GPX8: variants seen among roughly 807,000 people sequenced by gnomAD.
GPX8 encodes protein peroxidase GPX8.
Under a neutral mutation model 17.8 loss-of-function variants are expected in GPX8, and 12 were observed. That is an observed-to-expected ratio of 0.67 (90% CI 0.43 to 1.09). The LOEUF (loss-of-function observed/expected upper bound fraction) is 1.09. Ranked by LOEUF, GPX8 falls within the 50% of genes least tolerant of loss-of-function variation. The pLI is 0.00. For synonymous variants in GPX8, 86 were observed against 88.1 expected (o/e 0.98, Z 0.14); for missense variants, 209 against 235.6 (o/e 0.89, Z 0.74).
rs1743958293 is a variant in GPX8 at position 55,160,192 on chromosome 5, C to A, written c.-1C>A. On this transcript the variant is annotated 5_prime_UTR_variant, in exon 1 of 3. Transcript: ENST00000503787. ...GAGACTTCCCTCTAGAATCCTCCAA[C>A]ATGGAGCCTCTTGCAGCTTACCCGC... is the stretch of plus-strand genomic sequence containing the variant. 18 of 1,612,720 alleles carry A rather than the reference C, an allele frequency of 1.1e-5. No individual in the cohort carries two copies. The highest frequency in any genetic ancestry group is 1.5e-5 in the Non-Finnish European group (18 of 1,178,732).
chr5:55,160,908 A>C lies in GPX8; in HGVS notation c.205-86A>C, dbSNP rs1744010871. On this transcript the variant is annotated intron_variant, in intron 1 of 2. Coordinates refer to ENST00000503787, the MANE Select transcript of GPX8 (RefSeq NM_001008397.4). ...TCAATCAGAGGTTATAGTCCCCCCC[A>C]AATTGTTTAGGATTTTAACTACTTG... The C allele has an allele frequency of 3.6e-6, 5 of 1,394,278 alleles. No individual in the cohort carries two copies. The East Asian group carries it at 1.2e-4, about 33-fold the overall frequency. 86.4% of individuals were successfully genotyped at this position (1,394,278 alleles called of 1,614,324 possible).
Position 55,160,205 on chromosome 5 carries a change from G to C in GPX8, c.13G>C (p.Ala5Pro), listed in dbSNP as rs1239400840. 1.2e-6 allele frequency: 2 copies of C among 1,613,728 alleles called. No individual in the cohort carries two copies. Among genetic ancestry groups the C allele is most frequent in the Non-Finnish European group, 1.7e-6 (2 of 1,179,804 alleles). MEPL[A>P]AYPLKCSGPR... ...AGAATCCTCCAACATGGAGCCTCTT[G>C]CAGCTTACCCGCTAAAATGTTCCGG... The change falls in exon 1 of 3, where the codon GCA becomes CCA. Residue 5 changes from alanine to proline, a missense_variant. By Grantham distance (27) the Ala-to-Pro change is conservative. Transcript: ENST00000503787.
At chr5:55,163,545 C>A (rs1397560932) in intron 2 of GPX8, among the ~76,000 whole-genome samples, 2 of 151,800 alleles carry the variant, frequency 1.3e-5, no homozygotes, top group African/African-American at 4.8e-5. Context: ...TCACTCTTGT[C>A]CCCCAGGCTG....
At position 55,164,302 on chromosome 5, in the gene GPX8, G is replaced by GAGTGAGACAC; in HGVS notation, c.*84_*85insAGTGAGACAC. 1 of 1,051,290 alleles carries GAGTGAGACAC rather than the reference G, an allele frequency of 9.5e-7. No individual in the cohort carries two copies. Among genetic ancestry groups the GAGTGAGACAC allele is most frequent in the Non-Finnish European group, 1.3e-6 (1 of 774,996 alleles). The allele number at this position is 1,051,290 out of a possible 1,614,324, so 65.1% of individuals were successfully genotyped here. A position where few individuals can be genotyped will look rare whatever the true frequency, so the allele number is the denominator to read the frequency against. On this transcript the variant is annotated 3_prime_UTR_variant, in exon 3 of 3. Coordinates refer to ENST00000503787, the MANE Select transcript of GPX8 (RefSeq NM_001008397.4). ...TTTAAACATTTTTTTTTTGGAGACA[G>GAGTGAGACAC]TGTCTCACTCTGTCACCCAGGCTGG...
chr5:55,161,532 C>T, intron 2 of GPX8, among the ~76,000 whole-genome samples: 1 of 152,160 alleles, frequency 6.6e-6, no homozygotes, highest in South Asian at 2.1e-4. Context: ...GTGCCCATGG[C>T]TATTTTCACA....
chr5:55,164,247 A>G lies in GPX8; in HGVS notation c.*29A>G. The G allele has an allele frequency of 6.8e-7, 1 of 1,471,082 alleles. No homozygotes were observed. Among genetic ancestry groups the G allele is most frequent in the Non-Finnish European group, 9.1e-7 (1 of 1,094,528 alleles). The allele number at this position is 1,471,082 out of a possible 1,614,324, so 91.1% of individuals were successfully genotyped here. On this transcript the variant is annotated 3_prime_UTR_variant, in exon 3 of 3. Coordinates refer to ENST00000503787, the MANE Select transcript of GPX8 (RefSeq NM_001008397.4). ...TGCCATTGCGTTTCTAATAGAACAG[A>G]GAAATGTCTCCATGAGGGTTTGGTC...
At chr5:55,160,924 T>A in intron 1 of GPX8, 70 bp from the exon 2 acceptor site, 1 of 1,508,556 alleles carries the variant, frequency 6.6e-7, no homozygotes, top group Non-Finnish European at 8.9e-7. Flanking sequence ...TTTAGGATTT[T>A]AACTACTTGC....
rs889611188 is a variant in GPX8 at position 55,162,594 on chromosome 5, C to T, written c.466+1339C>T. Among the ~76,000 whole-genome samples the T allele has an allele frequency of 3.9e-5, 6 of 152,208 alleles. No individual in the cohort carries two copies. The East Asian group carries it at 1.2e-3, about 29-fold the overall frequency. On this transcript the variant is annotated intron_variant, in intron 2 of 2. Coordinates refer to ENST00000503787, the MANE Select transcript of GPX8 (RefSeq NM_001008397.4). ...ATGTGAAGTCAGAATCTTCTAAAAA[C>T]ATTATATTTAATTTCTAGGGAAAGT...
chr5:55,160,956 C>T (rs1453514049), intron 1 of GPX8, 38 bp from the exon 2 acceptor site: 4 of 1,577,614 alleles, frequency 2.5e-6, no homozygotes, highest in Middle Eastern at 1.7e-4. Flanking sequence ...AAATCTTTTG[C>T]TTCACTTTCC....
chr5:55,166,180 T>C lies in GPX8; in HGVS notation c.*1962T>C, dbSNP rs1487193828. ...CGTTAGGAGCATGAGCAGAACTGCA[T>C]ATGCCAGCACCACATGGGCAGCAGA... On this transcript the variant is annotated 3_prime_UTR_variant, in exon 3 of 3. Transcript: ENST00000503787. 6.6e-6 allele frequency: 1 copy of C among 152,298 alleles called. No homozygotes were observed. Among genetic ancestry groups the C allele is most frequent in the Non-Finnish European group, 1.5e-5 (1 of 68,146 alleles). The allele number at this position is 152,298 out of a possible 1,614,324, so 9.4% of individuals were successfully genotyped here. A position where few individuals can be genotyped will look rare whatever the true frequency, so the allele number is the denominator to read the frequency against.
At chr5:55,162,187 G>A (rs1744110579) in intron 2 of GPX8, among the ~76,000 whole-genome samples, 1 of 151,706 alleles carries the variant, frequency 6.6e-6, no homozygotes, top group African/African-American at 2.4e-5. Context: ...CTTAAGGTCA[G>A]GAGTTAGAGA....
At position 55,160,249 on chromosome 5, in the gene GPX8, T is replaced by G. The variant is rs1234831653; in HGVS notation, c.57T>G (p.Phe19Leu). 6.2e-7 allele frequency: 1 copy of G among 1,614,110 alleles called. No homozygotes were observed. Among genetic ancestry groups the G allele is most frequent in the South Asian group, 1.1e-5 (1 of 91,088 alleles). Residue 19 changes from phenylalanine to leucine, a missense_variant, in exon 1 of 3, where the codon TTT (phenylalanine) becomes TTG (leucine). Phe to Leu is a conservative substitution (Grantham distance 22, BLOSUM62 0). Transcript: ENST00000503787. The part of the protein sequence containing the change: ...LKCSGPRAKV[F>L]AVLLSIVLCT... ...GTTCCGGGCCCAGAGCAAAGGTATT[T>G]GCAGTTTTGCTGTCTATAGTTCTAT...
At chr5:55,161,391 T>A in intron 2 of GPX8, 136 bp downstream of exon 2, 1 of 834,702 alleles carries the variant, frequency 1.2e-6, no homozygotes, top group East Asian at 2.5e-5. Flanking sequence ...AGAGCCAGAA[T>A]CTCATCCTTT....
At chr5:55,163,897 T>C (rs1204897689) in intron 2 of GPX8, among the ~76,000 whole-genome samples, 158 bp from the exon 3 acceptor site, 2 of 151,138 alleles carry the variant, frequency 1.3e-5, no homozygotes, top group African/African-American at 4.9e-5. Flanking sequence ...CTGGTTACTC[T>C]AACCTTGAGT....
intron 1 of GPX8, 56 bp from the exon 2 acceptor site, chr5:55,160,938 A>ATT: frequency 6.4e-7 from 1 of 1,561,378 alleles, no homozygotes; most frequent in African/African-American, 1.4e-5. Context: ...TACTTGCAGA[A>ATT]TTTTTTAAAA....
intron 2 of GPX8, among the ~76,000 whole-genome samples, chr5:55,162,571 G>A (rs1744135275): frequency 2.0e-5 from 3 of 152,188 alleles, no homozygotes; most frequent in Non-Finnish European, 4.4e-5. Context: ...TCACATAAAT[G>A]TGAAGTCAGA....
At chr5:55,163,173 G>A (rs942585581) in intron 2 of GPX8, among the ~76,000 whole-genome samples, 7 of 151,960 alleles carry the variant, frequency 4.6e-5, no homozygotes, top group Non-Finnish European at 1.0e-4. Context: ...TAAATCTTGA[G>A]TGGTATAAAT....
rs543962988 is a variant in GPX8, at chr5:55,164,340, C to T, written c.*122C>T. On this transcript the variant is annotated 3_prime_UTR_variant, in exon 3 of 3. Transcript: ENST00000503787. ...TCACCCAGGCTGGAGTGCAGTAGTG[C>T]GTTCTCAGCTCATTGCAACCTCTGC... 21 of 550,040 alleles carry T rather than the reference C, an allele frequency of 3.8e-5. No homozygotes were observed. The South Asian group carries it at 9.9e-4, about 26-fold the overall frequency. 34.1% of individuals were successfully genotyped at this position (550,040 alleles called of 1,614,324 possible). A position where few individuals can be genotyped will look rare whatever the true frequency, so the allele number is the denominator to read the frequency against.
chr5:55,161,114 AAT>A lies in GPX8; in HGVS notation c.326_327del (p.Asn109ThrfsTer32). Reference protein sequence around the residue: ...SHFSVLAFPCNQFGESEPRPS... With the variant: ...SHFSVLAFPCXQFGESEPRPS... ...CTTCAGCGTGTTGGCTTTTCCCTGC[AAT>A]CAGTTTGGAGAATCGGAGCCCCGCC... On this transcript the variant is annotated frameshift_variant, in exon 2 of 3. Transcript: ENST00000503787. LOFTEE classifies it high-confidence loss of function. The A allele has an allele frequency of 1.2e-6, 2 of 1,614,128 alleles. No homozygotes were observed. Among genetic ancestry groups the A allele is most frequent in the Non-Finnish European group, 1.7e-6 (2 of 1,179,988 alleles).
Sources: allele counts gnomAD v4.1 joint callset (sites outside exome capture counted in the v4.1 genomes callset), GRCh38; gene constraint gnomAD v4.1.1; transcripts MANE v1.5; gene names NCBI Gene and HGNC (gene_info 2026-07-23, HGNC 2026-07-21).